Variants in SLC8B1 observed in about 807,000 individuals in gnomAD.
The protein encoded by SLC8B1 is mitochondrial sodium/calcium exchanger protein.
A neutral mutation model predicts 63.4 loss-of-function variants in SLC8B1; 52 were observed. That is an observed-to-expected ratio of 0.82 (90% CI 0.66 to 1.03). The LOEUF is 1.03. Ranked by LOEUF, SLC8B1 falls within the 50% of genes least tolerant of loss-of-function variation. The probability of loss-of-function intolerance (pLI) is 0.00; values close to 1 mark genes in which losing one functional copy is unlikely to be tolerated. For synonymous variants in SLC8B1, 336 were observed against 323.9 expected (o/e 1.04, Z -0.40); for missense variants, 657 against 741.7 (o/e 0.89, Z 1.33).
intron 15 of SLC8B1, chr12:113,302,698 C>T (rs1321402444): frequency 8.8e-6 from 4 of 456,160 alleles, no homozygotes; most frequent in Admixed American, 4.7e-5. Context: ...GCATCCTCCT[C>T]GTCTCCAACC....
At chr12:113,326,524 C>T (rs979568005) in intron 2 of SLC8B1, among the ~76,000 whole-genome samples, 2 of 152,032 alleles carry the variant, frequency 1.3e-5, no homozygotes, top group Non-Finnish European at 2.9e-5. Flanking sequence ...TGTGCCACCA[C>T]GCCTGGCTGA....
intron 15 of SLC8B1, 146 bp from the exon 16 acceptor site, chr12:113,300,120 G>GCAGCCTCAACAACAATC (rs1217623760): frequency 3.2e-6 from 2 of 617,068 alleles, no homozygotes; most frequent in Non-Finnish European, 2.7e-6. Context: ...CAGCAACAAT[G>GCAGCCTCAACAACAATC]CAGCCTCAAC....
intron 2 of SLC8B1, among the ~76,000 whole-genome samples, chr12:113,327,468 T>C (rs1056455173): frequency 2.6e-5 from 4 of 152,118 alleles, no homozygotes; most frequent in Admixed American, 2.6e-4. Context: ...TCCCAGTGCC[T>C]GAGCCCATGA....
Position 113,307,339 on chromosome 12 carries a change from G to A in SLC8B1, c.1411+352C>T, listed in dbSNP as rs760460341. ...ACCACACCTGGCTGCTACAGCTAGG[G>A]AAGGGTGTATGTATGTAAGTGTGAA... On this transcript the variant is annotated intron_variant, in intron 13 of 15. Transcript: ENST00000680972. Among the ~76,000 whole-genome samples, 29 of 152,110 alleles carry A rather than the reference G, an allele frequency of 1.9e-4. No homozygotes were observed. The Middle Eastern group carries it at 0.01, about 54-fold the overall frequency.
intron 11 of SLC8B1, among the ~76,000 whole-genome samples, chr12:113,312,668 C>G (rs1956780450): frequency 6.6e-6 from 1 of 152,120 alleles, no homozygotes; most frequent in African/African-American, 2.4e-5. Flanking sequence ...CCAGTCTTTC[C>G]CCAGGGTGGA....
At chr12:113,306,896 AGG>A (rs1956682525) in intron 13 of SLC8B1, 1 of 410,528 alleles carries the variant, frequency 2.4e-6, no homozygotes, top group South Asian at 8.8e-5. Flanking sequence ...GGATCACCTG[AGG>A]TCAGGAGTTC....
At chr12:113,310,690 C>T (rs962197946) in intron 11 of SLC8B1, among the ~76,000 whole-genome samples, 3 of 152,174 alleles carry the variant, frequency 2.0e-5, no homozygotes, top group Non-Finnish European at 4.4e-5. Flanking sequence ...CCAGGCAGCT[C>T]CCTCCAGCCA....
Position 113,320,657 on chromosome 12 carries a change from A to G in SLC8B1, c.450T>C (p.Gly150=). Residue 150 remains glycine, a synonymous_variant, in exon 6 of 16, where the codon GGT becomes GGC. Coordinates refer to ENST00000680972, the MANE Select transcript of SLC8B1 (RefSeq NM_001358345.2). The surrounding 1 kb of genome is among the most constrained non-coding windows in gnomAD (Gnocchi z 5.3). ...CCAGGGCACTGAAGATGTCAGGTGCACCATTCCCAAATGCCAGGAAGGTGA... is the reference window on the plus strand; with the variant it reads ...CCAGGGCACTGAAGATGTCAGGTGCGCCATTCCCAAATGCCAGGAAGGTGA... ...AGVTFLAFGN[G]APDIFSALVA... is the part of the protein sequence containing the mutation. 6.2e-7 allele frequency: 1 copy of G among 1,614,030 alleles called. No homozygotes were observed. The highest frequency in any genetic ancestry group is 8.5e-7 in the Non-Finnish European group (1 of 1,179,990).
At chr12:113,314,664 G>C (rs1211847776) in intron 11 of SLC8B1, among the ~76,000 whole-genome samples, 1 of 152,166 alleles carries the variant, frequency 6.6e-6, no homozygotes, top group Non-Finnish European at 1.5e-5. Flanking sequence ...TAGGCCACAG[G>C]CACCCCATAG....
At chr12:113,307,534 C>A (rs1956692373) in intron 13 of SLC8B1, among the ~76,000 whole-genome samples, 157 bp downstream of exon 13, 1 of 152,200 alleles carries the variant, frequency 6.6e-6, no homozygotes, top group African/African-American at 2.4e-5. Context: ...CCATCTCACC[C>A]CAATGCTGGC....
rs935271967 is a variant in SLC8B1, at chr12:113,319,079, CGG to C, written c.695-10_695-9del. On this transcript the variant is annotated splice_polypyrimidine_tract_variant and intron_variant, in intron 7 of 15. Coordinates refer to ENST00000680972, the MANE Select transcript of SLC8B1 (RefSeq NM_001358345.2). ...CATACAAGCCCAGGTAACCTGCAGA[CGG>C]GGTGCACGCCGTCACCAAGTGGTGT... 17 of 1,608,858 alleles carry C rather than the reference CGG, an allele frequency of 1.1e-5. No individual in the cohort carries two copies. Among genetic ancestry groups the C allele is most frequent in the Non-Finnish European group, 1.4e-5 (16 of 1,175,486 alleles).
intron 1 of SLC8B1, among the ~76,000 whole-genome samples, chr12:113,333,511 G>A (rs1957086565): frequency 6.6e-6 from 1 of 152,172 alleles, no homozygotes; most frequent in Non-Finnish European, 1.5e-5. Context: ...CTATCCTCAC[G>A]ACATGCCGAG....
intron 12 of SLC8B1, 111 bp from the exon 13 acceptor site, chr12:113,307,955 T>G: frequency 2.3e-6 from 3 of 1,310,258 alleles, no homozygotes; most frequent in Non-Finnish European, 3.1e-6. Context: ...ATGAGCTTAT[T>G]ATGAGTATAA....
chr12:113,320,378 G>A lies in SLC8B1; in HGVS notation c.647C>T (p.Thr216Ile), dbSNP rs778437458. ...CCTGCCACGGAAGAGCATGAGGAAG[G>A]TCAGGAACACAGCCACCATGTAGAA... ...IVFYMVAVFL[T>I]FLMLFRGRVT... Residue 216 changes from threonine to isoleucine, a missense_variant, in exon 7 of 16, where the codon ACC becomes ATC. By Grantham distance (89) the Thr-to-Ile change is moderately conservative (BLOSUM62 -1). Transcript: ENST00000680972. The surrounding 1 kb of genome is among the most constrained non-coding windows in gnomAD (Gnocchi z 5.3). 1.2e-6 allele frequency: 2 copies of A among 1,614,200 alleles called. No homozygotes were observed. The highest frequency in any genetic ancestry group is 2.2e-5 in the East Asian group (1 of 44,884).
chr12:113,333,100 GCA>G (rs1248814464), intron 1 of SLC8B1, 140 bp from the exon 2 acceptor site: 2 of 581,920 alleles, frequency 3.4e-6, no homozygotes, highest in African/African-American at 1.9e-5. Context: ...ACCATGTTCT[GCA>G]CAGTCTCGCT....
rs1346362078 is a variant in SLC8B1, at chr12:113,321,352, C to T, written c.157-4G>A. On this transcript the variant is annotated splice_polypyrimidine_tract_variant and splice_region_variant and intron_variant, in intron 2 of 15. Transcript: ENST00000680972. ...TCAGGCCACACACCTTGCGGCACTG[C>T]AGGAAGACAGGGAGGGGGACATCAG... is the stretch of plus-strand genomic sequence containing the variant. 2.5e-6 allele frequency: 4 copies of T among 1,614,146 alleles called. No homozygotes were observed. The highest frequency in any genetic ancestry group is 3.4e-6 in the Non-Finnish European group (4 of 1,180,028).
At chr12:113,302,529 A>G (rs1956602996) in intron 15 of SLC8B1, 2 of 412,258 alleles carry the variant, frequency 4.9e-6, no homozygotes, top group South Asian at 1.7e-5. Flanking sequence ...GGTTGCTGAC[A>G]TATTTTCAAG....
At chr12:113,329,195 G>A (rs1475238563) in intron 2 of SLC8B1, among the ~76,000 whole-genome samples, 1 of 152,224 alleles carries the variant, frequency 6.6e-6, no homozygotes, top group Non-Finnish European at 1.5e-5. Flanking sequence ...CCAGGAGGTT[G>A]GCACAATTGT....
chr12:113,299,636 G>A lies in SLC8B1; in HGVS notation c.*141C>T, dbSNP rs535935955. 1,528 of 757,206 alleles carry A rather than the reference G, an allele frequency of 2.0e-3. 4 individuals are homozygous for A. Among genetic ancestry groups the A allele is most frequent in the Non-Finnish European group, 2.8e-3 (1,253 of 448,976 alleles). 46.9% of individuals were successfully genotyped at this position (757,206 alleles called of 1,614,324 possible). The stretch of plus-strand genomic sequence containing the variant: ...ACAGCAGTTCTCCCAGCTCACAGCA[G>A]TGACCTCAGATCTCCAGCAGCAAGG... On this transcript the variant is annotated 3_prime_UTR_variant, in exon 16 of 16. Transcript: ENST00000680972.
Sources: gnomAD v4.1 joint callset for allele counts (sites outside exome capture counted in the v4.1 genomes callset) on GRCh38, gnomAD v4.1.1 for gene constraint, Gnocchi (gnomAD v3.1) non-coding constraint, MANE v1.5 for transcripts, NCBI Gene and HGNC (gene_info 2026-07-23, HGNC 2026-07-21) for gene names.